TMEM132C: variants seen among roughly 807,000 people sequenced by gnomAD.
TMEM132C encodes the protein protein phosphatase 1, regulatory subunit 152.
In TMEM132C, 29 loss-of-function variants were observed where a neutral mutation model predicts 61.4. That is an observed-to-expected ratio of 0.47 (90% CI 0.35 to 0.64). The LOEUF (loss-of-function observed/expected upper bound fraction) is 0.64. Ranked by LOEUF, TMEM132C falls within the 30% of genes least tolerant of loss-of-function variation. The pLI, the probability that TMEM132C is intolerant of heterozygous loss-of-function variation, is 0.00. For synonymous variants in TMEM132C, 656 were observed against 633.1 expected, an observed-to-expected ratio of 1.04 and a Z score of -0.54; for missense variants, 1,408 against 1,476.9, an observed-to-expected ratio of 0.95 and a Z score of 0.76.
intron 2 of TMEM132C, among the ~76,000 whole-genome samples, chr12:128,496,239 G>A (rs943671174): frequency 2.6e-5 from 4 of 152,104 alleles, no homozygotes; most frequent in Non-Finnish European, 4.4e-5. Context: ...TGGGTAACCC[G>A]ACCTTTCTCT....
intron 4 of TMEM132C, among the ~76,000 whole-genome samples, chr12:128,659,582 A>G (rs953872410): frequency 2.0e-5 from 3 of 152,210 alleles, no homozygotes; most frequent in East Asian, 1.9e-4. Flanking sequence ...TCGCCCAGTT[A>G]TTCCTCCCTC....
chr12:128,423,282 G>A (rs1869055435), intron 2 of TMEM132C, among the ~76,000 whole-genome samples: 1 of 152,080 alleles, frequency 6.6e-6, no homozygotes, highest in Non-Finnish European at 1.5e-5. Flanking sequence ...TGTGGGGTAT[G>A]GGGACCTCCT....
At chr12:128,509,811 A>G (rs76779544) in intron 2 of TMEM132C, among the ~76,000 whole-genome samples, 5,350 of 152,296 alleles carry the variant, frequency 0.035, 332 homozygotes, top group African/African-American at 0.12. Context: ...ATTTTTAAAA[A>G]TAAGGCCAGT....
chr12:128,409,824 A>T (rs1250111328), intron 1 of TMEM132C, among the ~76,000 whole-genome samples: 2 of 152,176 alleles, frequency 1.3e-5, no homozygotes, highest in Non-Finnish European at 2.9e-5. Context: ...TGGCATGCTT[A>T]TTCATTCTGC....
At chr12:128,273,241 G>A (rs1379020968) in intron 1 of TMEM132C, among the ~76,000 whole-genome samples, 2 of 151,980 alleles carry the variant, frequency 1.3e-5, no homozygotes, top group African/African-American at 2.4e-5. Flanking sequence ...ACTGTCTTAG[G>A]TACATACTTA....
chr12:128,482,368 C>G (rs1293492016), intron 2 of TMEM132C, among the ~76,000 whole-genome samples: 1 of 152,086 alleles, frequency 6.6e-6, no homozygotes, highest in Non-Finnish European at 1.5e-5. Flanking sequence ...TAACTGGATT[C>G]GGTTTGCCAG....
rs545327242 is a variant in TMEM132C at position 128,323,576 on chromosome 12, C to T, written c.85+56089C>T. Among the ~76,000 whole-genome samples, 12 of 152,272 alleles carry T rather than the reference C, an allele frequency of 7.9e-5. No individual in the cohort carries two copies. The East Asian group carries it at 1.2e-3, about 15-fold the overall frequency. ...GATAACATTGGCTCCTTTCACCAGG[C>T]GTGTGGAATTAGATTACTGATAGAT... On this transcript the variant is annotated intron_variant, in intron 1 of 8. Transcript: ENST00000435159.
chr12:128,566,189 C>CAAAAAAAAAAAAAAA (rs59258589), intron 3 of TMEM132C, among the ~76,000 whole-genome samples: 2,762 of 67,426 alleles, frequency 0.041, 112 homozygotes, highest in Middle Eastern at 0.062. Flanking sequence ...CAAGCCTAAC[C>CAAAAAAAAAAAAAAA]AAAAAAAAAA....
chr12:128,330,071 G>A (rs915406645), intron 1 of TMEM132C, among the ~76,000 whole-genome samples: 4 of 152,104 alleles, frequency 2.6e-5, no homozygotes, highest in African/African-American at 4.8e-5. Context: ...ACCAAATCCC[G>A]GGAAATCAGG....
At chr12:128,510,565 G>T (rs1243371749) in intron 2 of TMEM132C, among the ~76,000 whole-genome samples, 5 of 152,150 alleles carry the variant, frequency 3.3e-5, no homozygotes, top group Non-Finnish European at 7.4e-5. Context: ...CTGCCGTCTA[G>T]AAGACTCTCC....
intron 3 of TMEM132C, among the ~76,000 whole-genome samples, chr12:128,550,064 C>T (rs1257430274): frequency 2.6e-5 from 4 of 152,232 alleles, no homozygotes; most frequent in East Asian, 3.8e-4. Flanking sequence ...CTATATCCCT[C>T]GGTAGGTGTG....
intron 1 of TMEM132C, among the ~76,000 whole-genome samples, chr12:128,276,769 G>A (rs1870704506): frequency 6.6e-6 from 1 of 152,114 alleles, no homozygotes; most frequent in Non-Finnish European, 1.5e-5. Context: ...GGCCACTTTG[G>A]CACGCGGTAT....
chr12:128,576,927 T>C (rs1340611262), intron 3 of TMEM132C, among the ~76,000 whole-genome samples: 1 of 151,348 alleles, frequency 6.6e-6, no homozygotes, highest in Non-Finnish European at 1.5e-5. Flanking sequence ...TTTATTGAGA[T>C]ACAATTCACA....
chr12:128,583,839 G>A (rs980593806), intron 3 of TMEM132C, among the ~76,000 whole-genome samples: 3 of 152,186 alleles, frequency 2.0e-5, no homozygotes, highest in Admixed American at 6.5e-5. Context: ...GCATTCAAAC[G>A]TCTTCATCCG....
chr12:128,279,964 C>T (rs1435013315), intron 1 of TMEM132C, among the ~76,000 whole-genome samples: 1 of 152,054 alleles, frequency 6.6e-6, no homozygotes, highest in Admixed American at 6.6e-5. Flanking sequence ...CTGGTGAGGC[C>T]CCGAATGCTT....
chr12:128,573,441 G>A (rs796951756), intron 3 of TMEM132C, among the ~76,000 whole-genome samples: 27 of 152,038 alleles, frequency 1.8e-4, no homozygotes, highest in African/African-American at 5.8e-4. Flanking sequence ...ATCACACACC[G>A]GGGCCTGTCG....
rs11059717 is a variant in TMEM132C at position 128,492,014 on chromosome 12, C to T, written c.975-51943C>T. 2.5e-3 allele frequency among the ~76,000 whole-genome samples: 383 copies of T among 152,234 alleles called. 1 individual carries two copies. The highest frequency in any genetic ancestry group is 0.015 in the East Asian group (76 of 5,178). The stretch of plus-strand genomic sequence containing the variant: ...TTCCCTCCCCACTCCCTGCACCCCA[C>T]GACAGGCCCCGGTGTGTGATGTTCC... On this transcript the variant is annotated intron_variant, in intron 2 of 8. Coordinates refer to ENST00000435159, the MANE Select transcript of TMEM132C (RefSeq NM_001136103.3).
chr12:128,291,313 G>T (rs973460264), intron 1 of TMEM132C, among the ~76,000 whole-genome samples: 2 of 152,146 alleles, frequency 1.3e-5, no homozygotes, highest in Non-Finnish European at 2.9e-5. Flanking sequence ...TCACCCTATA[G>T]TGCAGAGTTT....
At chr12:128,524,843 C>G (rs77243213) in intron 2 of TMEM132C, among the ~76,000 whole-genome samples, 31 of 152,336 alleles carry the variant, frequency 2.0e-4, no homozygotes, top group African/African-American at 7.2e-4. Context: ...CAGCTGAGAA[C>G]TATGATCTTC....
Sources: allele counts gnomAD v4.1 joint callset (sites outside exome capture counted in the v4.1 genomes callset), GRCh38; gene constraint gnomAD v4.1.1; transcripts MANE v1.5; gene names NCBI Gene and HGNC (gene_info 2026-07-23, HGNC 2026-07-21).